FGF14: variants seen among roughly 807,000 people sequenced by gnomAD.
FGF14 encodes fibroblast growth factor 14.
A neutral mutation model predicts 25.5 loss-of-function variants in FGF14; 5 were observed. The ratio of observed to expected loss-of-function variants is 0.20; its 90% CI spans 0.10 to 0.41. The LOEUF (loss-of-function observed/expected upper bound fraction) is 0.41, where lower values mean the gene tolerates loss of function less well. Ranked by LOEUF, FGF14 falls within the 10% of genes least tolerant of loss-of-function variation. The probability of loss-of-function intolerance (pLI) is 1.00; values close to 1 mark genes in which losing one functional copy is unlikely to be tolerated. For missense variants in FGF14, 222 were observed against 320.1 expected (o/e 0.69, Z 2.34); for synonymous variants, 138 against 118.3 (o/e 1.17, Z -1.08).
At chr13:102,300,872 T>C (rs1442568192) in intron 1 of FGF14, among the ~76,000 whole-genome samples, 2 of 151,844 alleles carry the variant, frequency 1.3e-5, no homozygotes, top group Non-Finnish European at 2.9e-5. Flanking sequence ...AATTTGCTTA[T>C]ATTCCCTGTT....
At chr13:101,930,572 A>C (rs2034685569) in intron 1 of FGF14, among the ~76,000 whole-genome samples, 1 of 152,220 alleles carries the variant, frequency 6.6e-6, no homozygotes, top group Non-Finnish European at 1.5e-5. Context: ...AGTCAGTTGC[A>C]AAGTTTTTTC....
chr13:101,955,180 A>G (rs1407579), intron 1 of FGF14, among the ~76,000 whole-genome samples: 23,531 of 152,216 alleles, frequency 0.15, 2,049 homozygotes, highest in Admixed American at 0.26. Context: ...CAGCCTGAAC[A>G]CTTTCATTTT....
At chr13:102,237,889 A>G (rs1382285883) in intron 1 of FGF14, among the ~76,000 whole-genome samples, 3 of 152,310 alleles carry the variant, frequency 2.0e-5, no homozygotes, top group Admixed American at 1.3e-4. Context: ...TTTTTGGACC[A>G]CATCTATTGA....
chr13:101,855,269 T>G (rs1464886771), intron 3 of FGF14, among the ~76,000 whole-genome samples: 1 of 152,024 alleles, frequency 6.6e-6, no homozygotes, highest in Admixed American at 6.6e-5. Flanking sequence ...TGTCTTCATC[T>G]TCAACTTGCT....
intron 1 of FGF14, among the ~76,000 whole-genome samples, chr13:102,200,253 TTATATA>T (rs963711048): frequency 6.6e-6 from 1 of 152,064 alleles, no homozygotes; most frequent in Non-Finnish European, 1.5e-5. Context: ...ATATGTGCAT[TTATATA>T]TATATAATTT....
chr13:101,876,425 C>A (rs888117802), intron 1 of FGF14, among the ~76,000 whole-genome samples: 5 of 152,194 alleles, frequency 3.3e-5, no homozygotes, highest in South Asian at 4.1e-4. Flanking sequence ...TGTGGTCTTG[C>A]AAATAGGTGA....
At chr13:102,109,706 G>A (rs922360298) in intron 1 of FGF14, among the ~76,000 whole-genome samples, 4 of 151,900 alleles carry the variant, frequency 2.6e-5, no homozygotes, top group African/African-American at 4.8e-5. Flanking sequence ...CTGCAACATC[G>A]CCTCCCAGGT....
chr13:102,101,683 C>G (rs603116), intron 1 of FGF14, among the ~76,000 whole-genome samples: 4,942 of 152,022 alleles, frequency 0.033, 267 homozygotes, highest in African/African-American at 0.11. Flanking sequence ...AATGAATGCT[C>G]AACATTCTAT....
intron 1 of FGF14, among the ~76,000 whole-genome samples, chr13:102,094,829 C>T (rs1298912238): frequency 6.6e-6 from 1 of 152,008 alleles, no homozygotes; most frequent in Admixed American, 6.6e-5. Context: ...CTTTTAATAC[C>T]GGACAATGCT....
intron 3 of FGF14, among the ~76,000 whole-genome samples, chr13:101,867,938 G>GCGCA (rs2044818488): frequency 7.7e-6 from 1 of 130,314 alleles, no homozygotes; most frequent in Non-Finnish European, 1.7e-5. Flanking sequence ...ACACACACGC[G>GCGCA]CACACACACA....
At chr13:101,753,357 G>C (rs1268676988) in intron 3 of FGF14, among the ~76,000 whole-genome samples, 1 of 151,030 alleles carries the variant, frequency 6.6e-6, no homozygotes, top group Non-Finnish European at 1.5e-5. Context: ...GGTGGTAAAA[G>C]AAGACCTAAA....
At chr13:101,991,677 A>C (rs1490132687) in intron 1 of FGF14, among the ~76,000 whole-genome samples, 1 of 152,152 alleles carries the variant, frequency 6.6e-6, no homozygotes, top group Non-Finnish European at 1.5e-5. Context: ...TAAATGGCAG[A>C]GAAACCCAGG....
intron 1 of FGF14, among the ~76,000 whole-genome samples, chr13:102,147,756 A>G (rs1025923219): frequency 3.5e-4 from 53 of 152,170 alleles, no homozygotes; most frequent in African/African-American, 1.3e-3. Context: ...GGCTGAAAGG[A>G]CTAAAAAAGC....
chr13:102,080,051 G>A (rs1411991564), intron 1 of FGF14, among the ~76,000 whole-genome samples: 1 of 152,102 alleles, frequency 6.6e-6, no homozygotes, highest in Non-Finnish European at 1.5e-5. Context: ...AGGATGGGGT[G>A]GGAGGGAAGA....
Position 101,715,697 on chromosome 13 carries a change from AT to A in FGF14, c.*7133del. 1 of 1,296,624 alleles carries A rather than the reference AT, an allele frequency of 7.7e-7. No homozygotes were observed. Among genetic ancestry groups the A allele is most frequent in the Non-Finnish European group, 1.1e-6 (1 of 890,292 alleles). The allele number at this position is 1,296,624 out of a possible 1,614,324, so 80.3% of individuals were successfully genotyped here. A position where few individuals can be genotyped will look rare whatever the true frequency, so the allele number is the denominator to read the frequency against. The stretch of plus-strand genomic sequence containing the variant: ...TCTGGATTCTTATTTTTTCTGGGCC[AT>A]TAGAACAGATAAATGCGAAGGAAAC... On this transcript the variant is annotated 3_prime_UTR_variant, in exon 5 of 5. Transcript: ENST00000376143.
intron 3 of FGF14, among the ~76,000 whole-genome samples, chr13:101,767,757 T>C (rs951975808): frequency 2.0e-5 from 3 of 152,056 alleles, no homozygotes; most frequent in Non-Finnish European, 4.4e-5. Context: ...AGAATCATTA[T>C]CTCTCTGCTA....
At chr13:102,313,203 A>T (rs143972727) in intron 1 of FGF14, among the ~76,000 whole-genome samples, 1 of 152,242 alleles carries the variant, frequency 6.6e-6, no homozygotes, top group African/African-American at 2.4e-5. Context: ...CACTGTGGGC[A>T]GGGCACTGCT....
At chr13:102,402,328 C>CCCTTCCT (rs1359549277), upstream of FGF14, 1 of 152,376 alleles carries the variant, frequency 6.6e-6, no homozygotes, top group Non-Finnish European at 1.5e-5. Context: ...GCCACAAATC[C>CCCTTCCT]CCTTCCTCCT....
At chr13:101,793,223 G>C (rs898061946) in intron 3 of FGF14, among the ~76,000 whole-genome samples, 5 of 152,040 alleles carry the variant, frequency 3.3e-5, no homozygotes, top group Non-Finnish European at 5.9e-5. Context: ...CTGTTTTCAT[G>C]AGTGCAATTG....
Sources: allele counts gnomAD v4.1 joint callset (sites outside exome capture counted in the v4.1 genomes callset), GRCh38; gene constraint gnomAD v4.1.1; transcripts MANE v1.5; gene names NCBI Gene and HGNC (gene_info 2026-07-23, HGNC 2026-07-21).